Variants in PHLPP1 observed in about 807,000 individuals in gnomAD.
The protein encoded by PHLPP1 is PH domain leucine-rich repeat-containing protein phosphatase 1.
A neutral mutation model predicts 117.2 loss-of-function variants in PHLPP1; 42 were observed. The ratio of observed to expected loss-of-function variants is 0.36; its 90% confidence interval spans 0.28 to 0.46. The LOEUF is 0.46. Ranked by LOEUF, PHLPP1 falls within the 20% of genes least tolerant of loss-of-function variation. The pLI, the probability that PHLPP1 is intolerant of heterozygous loss-of-function variation, is 1.00. For synonymous variants in PHLPP1, 1,042 were observed against 970.7 expected, an observed-to-expected ratio of 1.07 and a Z score of -1.37; for missense variants, 2,084 against 2,241.9, an observed-to-expected ratio of 0.93 and a Z score of 1.42.
intron 13 of PHLPP1, among the ~76,000 whole-genome samples, chr18:62,962,066 G>A (rs573861210): frequency 6.6e-6 from 1 of 152,154 alleles, no homozygotes; most frequent in Admixed American, 6.5e-5. Context: ...AACTATGTAG[G>A]TGTTGCTTCA....
At chr18:62,785,220 G>A (rs1913244895) in intron 1 of PHLPP1, among the ~76,000 whole-genome samples, 1 of 152,184 alleles carries the variant, frequency 6.6e-6, no homozygotes, top group Admixed American at 6.5e-5. Flanking sequence ...CAACAGTGAT[G>A]TCACAGTCAG....
Position 62,920,011 on chromosome 18 carries a change from G to C in PHLPP1, c.2857G>C (p.Ala953Pro). The change falls in exon 10 of 17, where the codon GCA becomes CCA. Residue 953 changes from alanine (A) to proline (P), a missense_variant. Physicochemically the swap from Ala to Pro is conservative, Grantham distance 27. Transcript: ENST00000262719. ...ACTACTGGCAGGACACAACCAGTTGGCAAGGCTGCCTGAAAGGCTAGAAAG... is the reference window on the plus strand; with the variant it reads ...ACTACTGGCAGGACACAACCAGTTGCCAAGGCTGCCTGAAAGGCTAGAAAG... ...RKLLAGHNQLARLPERLERTS... is the reference protein window; with the variant it reads ...RKLLAGHNQLPRLPERLERTS... 1 of 1,610,432 alleles carries C rather than the reference G, an allele frequency of 6.2e-7. No individual in the cohort carries two copies. The highest frequency in any genetic ancestry group is 1.1e-5 in the South Asian group (1 of 90,328).
rs1005290098 is a variant in PHLPP1, at chr18:62,978,881, C to T, written c.4604C>T (p.Thr1535Met). 3.7e-6 allele frequency: 6 copies of T among 1,606,568 alleles called. No individual in the cohort carries two copies. The highest frequency in any genetic ancestry group is 1.7e-5 in the Admixed American group (1 of 58,922). The change falls in exon 17 of 17, where the codon ACG becomes ATG. Residue 1535 changes from threonine to methionine, a missense_variant. Physicochemically the swap from Thr to Met is moderately conservative, Grantham distance 81. This residue lies in a region of PHLPP1 where 1,365 missense variants were observed against 1,605.9 expected (regional missense o/e 0.85). Transcript: ENST00000262719. This position sits in a 1 kb window ranked among gnomAD's most constrained non-coding sequence, Gnocchi z 7.0. ...TTCCAGCGCCAGCTATCCAGCGCCA[C>T]GTTCTCTAGCGCCTTCTCCGACAAC... ...NSFQRQLSSA[T>M]FSSAFSDNGL...
intron 13 of PHLPP1, among the ~76,000 whole-genome samples, chr18:62,960,912 G>A (rs1170519165): frequency 6.6e-6 from 1 of 152,144 alleles, no homozygotes; most frequent in African/African-American, 2.4e-5. Context: ...ACTTTTAGAG[G>A]GTTGGTTTGT....
At chr18:62,838,706 TCAGA>T (rs1235299745) in intron 2 of PHLPP1, 74 bp from the exon 3 acceptor site, 1 of 1,436,162 alleles carries the variant, frequency 7.0e-7, no homozygotes, top group Non-Finnish European at 9.7e-7. Context: ...GGCTCCTTGA[TCAGA>T]GGCATAGTTA....
Position 62,716,097 on chromosome 18 carries a change from C to CTCGTCG in PHLPP1, c.423_428dup (p.Ser143_Ser144dup). The CTCGTCG allele has an allele frequency of 1.3e-6, 2 of 1,501,908 alleles. No homozygotes were observed. Among genetic ancestry groups the CTCGTCG allele is most frequent in the South Asian group, 1.2e-5 (1 of 80,204 alleles). 93.0% of individuals were successfully genotyped at this position (1,501,908 alleles called of 1,614,324 possible). On this transcript the variant is annotated inframe_insertion, in exon 1 of 17. Coordinates refer to ENST00000262719, the MANE Select transcript of PHLPP1 (RefSeq NM_194449.4). This position sits in a 1 kb window ranked among gnomAD's most constrained non-coding sequence, Gnocchi z 5.7. ...TGTCCGCGGCCGCCGCGGCCGCCTC[C>CTCGTCG]TCGTCGTCGTCGTCCTCGGCCGCTG...
intron 1 of PHLPP1, among the ~76,000 whole-genome samples, chr18:62,812,460 C>T (rs375722779): frequency 1.1e-4 from 17 of 152,096 alleles, no homozygotes; most frequent in African/African-American, 3.6e-4. Context: ...GAGGTAGCTA[C>T]GTATGTTTGT....
In PHLPP1 at chr18:62,860,480, C is replaced by T. The variant is rs774109292; in HGVS notation, c.1945C>T (p.Leu649=). The T allele has an allele frequency of 2.1e-5, 34 of 1,613,918 alleles. No homozygotes were observed. The East Asian group carries it at 2.2e-4, about 11-fold the overall frequency. Reference sequence around the variant, plus strand: ...CTCAGTGGACCTCTCGTGTTGTAGCCTGGAACATCTGCCTGCCAACCTCTT... The same window carrying T: ...CTCAGTGGACCTCTCGTGTTGTAGCTTGGAACATCTGCCTGCCAACCTCTT... ...ISSVDLSCCS[L]EHLPANLFYS... Residue 649 remains leucine, a synonymous_variant, in exon 4 of 17, where the codon CTG becomes TTG. Coordinates refer to ENST00000262719, the MANE Select transcript of PHLPP1 (RefSeq NM_194449.4).
intron 3 of PHLPP1, among the ~76,000 whole-genome samples, chr18:62,852,778 A>G (rs541613459): frequency 5.0e-4 from 76 of 152,274 alleles, no homozygotes; most frequent in African/African-American, 1.6e-3. Context: ...CAACTTTACT[A>G]AAGTATAGAG....
At chr18:62,974,290 C>T (rs1252748171) in intron 15 of PHLPP1, among the ~76,000 whole-genome samples, 1 of 152,160 alleles carries the variant, frequency 6.6e-6, no homozygotes, top group Non-Finnish European at 1.5e-5. Flanking sequence ...TTGTATGTCT[C>T]TTATTTTCCC....
At chr18:62,805,837 G>A (rs1225692011) in intron 1 of PHLPP1, among the ~76,000 whole-genome samples, 5 of 151,250 alleles carry the variant, frequency 3.3e-5, no homozygotes, top group Admixed American at 2.0e-4. Context: ...GTGTGGCAGA[G>A]GTCAAGATTC....
intron 3 of PHLPP1, among the ~76,000 whole-genome samples, chr18:62,849,876 AT>A (rs1363957432): frequency 2.4e-5 from 3 of 127,244 alleles, no homozygotes; most frequent in African/African-American, 8.9e-5. Flanking sequence ...CGTACTTAGG[AT>A]TTTTTGAGTC....
At chr18:62,902,907 G>T in intron 6 of PHLPP1, 57 bp from the exon 7 acceptor site, 1 of 996,410 alleles carries the variant, frequency 1.0e-6, no homozygotes, top group African/African-American at 1.6e-5. Flanking sequence ...ATTAGGGTGT[G>T]CCCATTTACT....
chr18:62,740,256 T>C (rs1289068464), intron 1 of PHLPP1, among the ~76,000 whole-genome samples: 1 of 152,254 alleles, frequency 6.6e-6, no homozygotes, highest in Non-Finnish European at 1.5e-5. Flanking sequence ...GGGATTGTGC[T>C]TTCTATTATA....
At position 62,830,065 on chromosome 18, in the gene PHLPP1, G is replaced by A. The variant is rs779610862; in HGVS notation, c.1607G>A (p.Arg536Gln). ...CCTCACAGCACGGGTAGCTCTGAACGGATTCAGCTCTCAGGAATGTATAAT... is the reference window on the plus strand; with the variant it reads ...CCTCACAGCACGGGTAGCTCTGAACAGATTCAGCTCTCAGGAATGTATAAT... ...GKPHSTGSSE[R>Q]IQLSGMYNVR... is the part of the protein sequence containing the mutation. The change falls in exon 2 of 17, where the codon CGG becomes CAG. Residue 536 changes from arginine to glutamine, a missense_variant. Arg to Gln is a conservative substitution (Grantham distance 43). Coordinates refer to ENST00000262719, the MANE Select transcript of PHLPP1 (RefSeq NM_194449.4). The A allele has an allele frequency of 5.0e-6, 8 of 1,613,116 alleles. No individual in the cohort carries two copies. The South Asian group carries it at 5.5e-5, about 11-fold the overall frequency.
chr18:62,819,425 G>T (rs1914383031), intron 1 of PHLPP1, among the ~76,000 whole-genome samples: 1 of 152,066 alleles, frequency 6.6e-6, no homozygotes, highest in South Asian at 2.1e-4. Context: ...GGATAAAATG[G>T]AATCAGTTAA....
chr18:62,949,101 T>C (rs751229405), intron 12 of PHLPP1, among the ~76,000 whole-genome samples: 1 of 152,198 alleles, frequency 6.6e-6, no homozygotes, highest in Non-Finnish European at 1.5e-5. Context: ...CACTGTTTCT[T>C]GAAAATAAAG....
In PHLPP1 at chr18:62,972,711, A is replaced by G. The variant is rs1415489360; in HGVS notation, c.3755+3A>G. The G allele has an allele frequency of 2.5e-6, 4 of 1,606,394 alleles. No individual in the cohort carries two copies. Among genetic ancestry groups the G allele is most frequent in the Non-Finnish European group, 3.4e-6 (4 of 1,173,668 alleles). On this transcript the variant is annotated splice_donor_region_variant and intron_variant, in intron 15 of 16. Coordinates refer to ENST00000262719, the MANE Select transcript of PHLPP1 (RefSeq NM_194449.4). ...AATACATTCATTGTCATGCAAAGGT[A>G]AAACTCAGAGTTCCTGCTTACCTGC... is the stretch of plus-strand genomic sequence containing the variant.
chr18:62,937,205 C>CA (rs1196507379), intron 10 of PHLPP1, among the ~76,000 whole-genome samples: 1 of 152,158 alleles, frequency 6.6e-6, no homozygotes. Flanking sequence ...GTCAAATGGA[C>CA]AGAATATGCC....
Sources: gnomAD v4.1 joint callset for allele counts (sites outside exome capture counted in the v4.1 genomes callset) on GRCh38, gnomAD v4.1.1 for gene constraint, gnomAD v4.1.1 regional missense constraint, Gnocchi (gnomAD v3.1) non-coding constraint, MANE v1.5 for transcripts, NCBI Gene and HGNC (gene_info 2026-07-23, HGNC 2026-07-21) for gene names.